Variants in CEP112 observed in about 807,000 individuals in gnomAD.
The protein encoded by CEP112 is centrosomal protein 112, also known as centrosomal protein of 112 kDa.
A neutral mutation model predicts 153.0 loss-of-function variants in CEP112; 127 were observed. The observed-to-expected ratio is 0.83, with a 90% CI of 0.72 to 0.96. The LOEUF is 0.96. Among genes scored for constraint, CEP112 ranks in the 40% least tolerant of loss-of-function variants. The pLI is 0.00. For synonymous variants in CEP112, 358 were observed against 374.4 expected, an observed-to-expected ratio of 0.96 and a Z score of 0.51; for missense variants, 1,089 against 1,101.2, an observed-to-expected ratio of 0.99 and a Z score of 0.16.
Position 66,177,098 on chromosome 17 carries a change from C to A in CEP112, c.107-78G>T, listed in dbSNP as rs538871706. ...TCAATTACAAAGACCTATAATAGCACCTGCTTTAGTCTAAAAGAAGGACCA... is the reference window on the plus strand; with the variant it reads ...TCAATTACAAAGACCTATAATAGCAACTGCTTTAGTCTAAAAGAAGGACCA... On this transcript the variant is annotated intron_variant, in intron 2 of 26. Transcript: ENST00000535342. The A allele has an allele frequency of 3.0e-4, 346 of 1,157,658 alleles. 4 individuals carry two copies. The African/African-American group carries it at 4.8e-3, about 16-fold the overall frequency. The allele number at this position is 1,157,658 out of a possible 1,614,324, so 71.7% of individuals were successfully genotyped here.
At chr17:65,987,252 T>C (rs560236989) in intron 17 of CEP112, among the ~76,000 whole-genome samples, 20 of 152,004 alleles carry the variant, frequency 1.3e-4, no homozygotes, top group Admixed American at 9.2e-4. Flanking sequence ...ATGATTAAGA[T>C]GAAAAATAGA....
At chr17:65,883,872 T>G (rs894335928) in intron 20 of CEP112, among the ~76,000 whole-genome samples, 1 of 152,080 alleles carries the variant, frequency 6.6e-6, no homozygotes, top group African/African-American at 2.4e-5. Flanking sequence ...GGAGATCAAT[T>G]TGGGGGACTG....
intron 19 of CEP112, among the ~76,000 whole-genome samples, chr17:65,909,637 G>A (rs1287251065): frequency 5.3e-5 from 8 of 152,132 alleles, no homozygotes; most frequent in African/African-American, 1.9e-4. Context: ...TCTGGGTAAA[G>A]ATAATAGGGA....
chr17:65,791,039 TG>T (rs1013339277), intron 21 of CEP112, among the ~76,000 whole-genome samples: 3 of 148,498 alleles, frequency 2.0e-5, no homozygotes, highest in East Asian at 4.2e-4. Flanking sequence ...CCATTTGGAA[TG>T]GGGGGGAGGC....
chr17:65,826,223 T>C, intron 21 of CEP112: 3 of 1,614,170 alleles, frequency 1.9e-6, no homozygotes, highest in Non-Finnish European at 2.5e-6. Context: ...ATTACCATTC[T>C]CTTCTCTCAT....
intron 24 of CEP112, among the ~76,000 whole-genome samples, chr17:65,649,171 G>T (rs56309431): frequency 0.13 from 20,338 of 151,622 alleles, 1,731 homozygotes; most frequent in East Asian, 0.46. Flanking sequence ...TATGTCAACT[G>T]GTTTATAATA....
At chr17:66,027,728 C>T (rs1008767003) in intron 15 of CEP112, among the ~76,000 whole-genome samples, 168 bp from the exon 16 acceptor site, 6 of 152,028 alleles carry the variant, frequency 3.9e-5, no homozygotes, top group Non-Finnish European at 7.4e-5. Flanking sequence ...CTTTGTATTA[C>T]GAGGCATAAA....
chr17:65,922,232 TC>T (rs1281681846), intron 19 of CEP112, among the ~76,000 whole-genome samples: 1 of 152,134 alleles, frequency 6.6e-6, no homozygotes, highest in Non-Finnish European at 1.5e-5. Context: ...ATTTCTTATC[TC>T]TCTCTTTCCT....
At chr17:65,807,455 C>CA (rs1327969794) in intron 21 of CEP112, among the ~76,000 whole-genome samples, 1 of 152,058 alleles carries the variant, frequency 6.6e-6, no homozygotes, top group Non-Finnish European at 1.5e-5. Flanking sequence ...ACAGAGGAGC[C>CA]AAATGTTAAT....
intron 17 of CEP112, among the ~76,000 whole-genome samples, chr17:65,965,530 TTTTTTTC>T (rs1394181562): frequency 7.3e-5 from 11 of 149,806 alleles, no homozygotes; most frequent in Non-Finnish European, 1.6e-4. Flanking sequence ...TTTTTTTTTT[TTTTTTTC>T]TTTGAGACAG....
At chr17:65,955,823 C>T (rs1463655916) in intron 18 of CEP112, among the ~76,000 whole-genome samples, 2 of 152,076 alleles carry the variant, frequency 1.3e-5, no homozygotes, top group African/African-American at 4.8e-5. Flanking sequence ...TATGAATGCA[C>T]CTAACACTGG....
At chr17:65,859,132 C>T (rs1435063571) in intron 20 of CEP112, among the ~76,000 whole-genome samples, 1 of 152,034 alleles carries the variant, frequency 6.6e-6, no homozygotes, top group Non-Finnish European at 1.5e-5. Context: ...ATATAGTTTA[C>T]TCCATCAATG....
intron 23 of CEP112, among the ~76,000 whole-genome samples, chr17:65,717,761 G>A (rs906659273): frequency 6.6e-6 from 1 of 152,184 alleles, no homozygotes; most frequent in African/African-American, 2.4e-5. Flanking sequence ...CCAGCAGGTA[G>A]AGAATGTGTG....
intron 12 of CEP112, among the ~76,000 whole-genome samples, chr17:66,052,552 T>C (rs8081876): frequency 0.98 from 149,313 of 152,222 alleles, 73,295 homozygotes; most frequent in East Asian, 1. Context: ...CTCTATCTCA[T>C]CCTGACCAGT....
At chr17:66,173,461 C>T (rs1188796364) in intron 4 of CEP112, among the ~76,000 whole-genome samples, 1 of 152,158 alleles carries the variant, frequency 6.6e-6, no homozygotes, top group Non-Finnish European at 1.5e-5. Context: ...TCATTCAGTC[C>T]AGGAAGATCA....
rs933231371 is a variant in CEP112 at position 66,151,348 on chromosome 17, C to T, written c.471-18585G>A. On this transcript the variant is annotated intron_variant, in intron 4 of 26. Coordinates refer to ENST00000535342, the MANE Select transcript of CEP112 (RefSeq NM_001199165.4). ...CTAGTTACACATCCTTCTAGCTATA[C>T]CTAGCTATATGTCTTTTCATTATAT... Among the ~76,000 whole-genome samples, 3 of 152,156 alleles carry T rather than the reference C, an allele frequency of 2.0e-5. No individual in the cohort carries two copies. The East Asian group carries it at 5.8e-4, about 29-fold the overall frequency.
rs180799610 is a variant in CEP112 at position 65,969,192 on chromosome 17, T to C, written c.1737-7594A>G. ...TGCCTCCTGGGTTCAAGTGATTCTC[T>C]TGCCTCAGCCTCCCAAGTAGCTGGG... On this transcript the variant is annotated intron_variant, in intron 17 of 26. Transcript: ENST00000535342. Among the ~76,000 whole-genome samples the C allele has an allele frequency of 1.4e-4, 22 of 151,828 alleles. No homozygotes were observed. In the East Asian group the frequency reaches 3.7e-3, roughly 25 times the overall value.
intron 4 of CEP112, among the ~76,000 whole-genome samples, chr17:66,142,490 GTT>G (rs2070744193): frequency 6.6e-6 from 1 of 152,076 alleles, no homozygotes; most frequent in Non-Finnish European, 1.5e-5. Flanking sequence ...CAGATCTTAT[GTT>G]TAAGTCTTTA....
intron 24 of CEP112, among the ~76,000 whole-genome samples, chr17:65,658,785 G>A (rs891016296): frequency 1.3e-5 from 2 of 152,126 alleles, no homozygotes; most frequent in African/African-American, 4.8e-5. Flanking sequence ...CATTTAGGAT[G>A]TAGAAGAAGG....
Sources: allele counts gnomAD v4.1 joint callset (sites outside exome capture counted in the v4.1 genomes callset), GRCh38; gene constraint gnomAD v4.1.1; transcripts MANE v1.5; gene names NCBI Gene and HGNC (gene_info 2026-07-23, HGNC 2026-07-21).